COL23A1: variants seen among roughly 807,000 people sequenced by gnomAD.
COL23A1 encodes collagen alpha-1(XXIII) chain.
A neutral mutation model predicts 99.3 loss-of-function variants in COL23A1; 97 were observed. The ratio of observed to expected loss-of-function variants is 0.98; its 90% CI spans 0.83 to 1.16. COL23A1 has a LOEUF of 1.16. Ranked by LOEUF, COL23A1 falls within the 50% of genes most tolerant of loss-of-function variation. The pLI is 0.00. For synonymous variants in COL23A1, 320 were observed against 308.2 expected, an observed-to-expected ratio of 1.04 and a Z score of -0.40; for missense variants, 762 against 757.4, an observed-to-expected ratio of 1.01 and a Z score of -0.07.
At chr5:178,326,783 G>C (rs991023597) in intron 2 of COL23A1, among the ~76,000 whole-genome samples, 3 of 152,196 alleles carry the variant, frequency 2.0e-5, no homozygotes, top group Admixed American at 2.0e-4. Flanking sequence ...GCAGTGGCGC[G>C]ATTTCGGCTC....
intron 2 of COL23A1, among the ~76,000 whole-genome samples, chr5:178,433,019 C>T (rs1006008525): frequency 3.9e-5 from 6 of 152,088 alleles, no homozygotes; most frequent in Non-Finnish European, 7.4e-5. Context: ...TTTCCCTCTC[C>T]GAGAGGTTTA....
chr5:178,491,117 G>T (rs180763179), intron 2 of COL23A1, among the ~76,000 whole-genome samples: 1 of 151,738 alleles, frequency 6.6e-6, no homozygotes, highest in Non-Finnish European at 1.5e-5. Context: ...AGAGAGAGGA[G>T]ACACGGAGGA....
chr5:178,535,295 G>T (rs1760876648), intron 2 of COL23A1, among the ~76,000 whole-genome samples: 1 of 152,172 alleles, frequency 6.6e-6, no homozygotes, highest in Non-Finnish European at 1.5e-5. Flanking sequence ...TCTGACTCCA[G>T]AACTCATGCT....
chr5:178,569,540 C>T (rs375398416), intron 1 of COL23A1, among the ~76,000 whole-genome samples: 3 of 152,236 alleles, frequency 2.0e-5, no homozygotes, highest in South Asian at 2.1e-4. Flanking sequence ...TAATTGTATT[C>T]GTTTTCTATT....
At position 178,256,940 on chromosome 5, in the gene COL23A1, A is replaced by T. The variant is rs1347440275; in HGVS notation, c.775-12T>A. 3.1e-6 allele frequency: 5 copies of T among 1,613,038 alleles called. No homozygotes were observed. The highest frequency in any genetic ancestry group is 4.2e-6 in the Non-Finnish European group (5 of 1,179,626). On this transcript the variant is annotated splice_polypyrimidine_tract_variant and intron_variant, in intron 13 of 28. Coordinates refer to ENST00000390654, the MANE Select transcript of COL23A1 (RefSeq NM_173465.4). ...CTCCCTGGCTCGCCCTGAAACAGAC[A>T]CAGCTGCAGTGAGAGCAAGTGTGAG...
Position 178,254,975 on chromosome 5 carries a change from CATAGTCG to C in COL23A1, c.927_933del (p.Ile309MetfsTer98). The C allele has an allele frequency of 6.2e-7, 1 of 1,613,768 alleles. No individual in the cohort carries two copies. The highest frequency in any genetic ancestry group is 8.5e-7 in the Non-Finnish European group (1 of 1,179,794). The stretch of plus-strand genomic sequence containing the variant: ...TTGAGGGCATCCAAGATCCTGCCAT[CATAGTCG>C]ATCACCACTGTGTCTCCCTGCTCGC... On this transcript the variant is annotated frameshift_variant, in exon 16 of 29. Transcript: ENST00000390654. LOFTEE classifies it high-confidence loss of function.
intron 2 of COL23A1, among the ~76,000 whole-genome samples, chr5:178,418,521 A>G (rs572632104): frequency 1.4e-4 from 21 of 152,360 alleles, no homozygotes; most frequent in African/African-American, 4.3e-4. Flanking sequence ...CACTTGCCCC[A>G]GCTGCCTGGT....
intron 2 of COL23A1, among the ~76,000 whole-genome samples, chr5:178,326,352 C>T (rs1391211362): frequency 6.6e-6 from 1 of 151,894 alleles, no homozygotes. Context: ...TCCATGAAAG[C>T]CATCGCTGCT....
chr5:178,499,136 T>C (rs1432234108), intron 2 of COL23A1, among the ~76,000 whole-genome samples: 2 of 151,850 alleles, frequency 1.3e-5, no homozygotes, highest in Non-Finnish European at 2.9e-5. Context: ...TAAAAACACA[T>C]CTGACTAATA....
chr5:178,247,465 G>C (rs573225345), intron 22 of COL23A1, 61 bp downstream of exon 22: 8 of 1,594,584 alleles, frequency 5.0e-6, no homozygotes, highest in East Asian at 2.2e-5. Context: ...CATTGGCAAG[G>C]CTCTTGGAAA....
intron 2 of COL23A1, among the ~76,000 whole-genome samples, chr5:178,346,923 G>A (rs1761005127): frequency 6.6e-6 from 1 of 152,202 alleles, no homozygotes; most frequent in African/African-American, 2.4e-5. Context: ...CTGGGAGGCT[G>A]ATACCTCACC....
intron 2 of COL23A1, among the ~76,000 whole-genome samples, chr5:178,496,081 G>A (rs1003560961): frequency 7.2e-5 from 11 of 152,084 alleles, no homozygotes; most frequent in African/African-American, 1.2e-4. Flanking sequence ...CTGAATCAAC[G>A]CATGGGACAG....
chr5:178,429,738 CCTGA>C (rs754728804), intron 2 of COL23A1, among the ~76,000 whole-genome samples: 7 of 152,154 alleles, frequency 4.6e-5, no homozygotes, highest in East Asian at 3.9e-4. Flanking sequence ...AGCACATGGC[CCTGA>C]CTGTGTCCCT....
At chr5:178,484,561 C>T (rs191757110) in intron 2 of COL23A1, among the ~76,000 whole-genome samples, 119 of 152,070 alleles carry the variant, frequency 7.8e-4, no homozygotes, top group Admixed American at 2.5e-3. Flanking sequence ...TGGTGGCTCA[C>T]GCCTGTAATC....
intron 2 of COL23A1, among the ~76,000 whole-genome samples, chr5:178,525,879 G>A (rs1427260805): frequency 6.6e-6 from 1 of 152,288 alleles, no homozygotes; most frequent in Non-Finnish European, 1.5e-5. Flanking sequence ...AGAAGCACTG[G>A]AGAAGAGCCC....
chr5:178,323,789 G>A (rs1240928163), intron 2 of COL23A1, among the ~76,000 whole-genome samples: 1 of 152,194 alleles, frequency 6.6e-6, no homozygotes, highest in Non-Finnish European at 1.5e-5. Context: ...GCCATGCGCT[G>A]TGCTGGGCTG....
rs188013729 is a variant in COL23A1 at position 178,468,923 on chromosome 5, C to T, written c.361+91759G>A. The stretch of plus-strand genomic sequence containing the variant: ...TTAAACACCAACTCCCCACTCCCCC[C>T]AGCCTGTGGCACCCACCATCCTGGT... On this transcript the variant is annotated intron_variant, in intron 2 of 28. Coordinates refer to ENST00000390654, the MANE Select transcript of COL23A1 (RefSeq NM_173465.4). The surrounding 1 kb of genome is among the most constrained non-coding windows in gnomAD (Gnocchi z 4.2). Among the ~76,000 whole-genome samples the T allele has an allele frequency of 7.9e-5, 12 of 152,328 alleles. No homozygotes were observed. The highest frequency in any genetic ancestry group is 4.6e-4 in the Admixed American group (7 of 15,310).
chr5:178,516,071 G>C (rs1222816678), intron 2 of COL23A1, among the ~76,000 whole-genome samples: 8 of 152,152 alleles, frequency 5.3e-5, no homozygotes, highest in African/African-American at 1.9e-4. Flanking sequence ...GGCAGATCCT[G>C]AGCTTCAGAA....
intron 2 of COL23A1, among the ~76,000 whole-genome samples, chr5:178,494,219 C>G (rs55696508): frequency 0.017 from 2,571 of 152,278 alleles, 82 homozygotes; most frequent in African/African-American, 0.059. Context: ...GAAAAATGAG[C>G]TTTCATTCTC....
Sources: allele counts gnomAD v4.1 joint callset (sites outside exome capture counted in the v4.1 genomes callset), GRCh38; gene constraint gnomAD v4.1.1; non-coding constraint Gnocchi (gnomAD v3.1); transcripts MANE v1.5; gene names NCBI Gene and HGNC (gene_info 2026-07-23, HGNC 2026-07-21).